Variants in ZNF106 observed in about 807,000 individuals in gnomAD.
The protein encoded by ZNF106 is SH3-domain binding protein 3.
A neutral mutation model predicts 195.1 loss-of-function variants in ZNF106; 67 were observed. The observed-to-expected ratio is 0.34, with a 90% CI of 0.28 to 0.42. ZNF106 has a LOEUF of 0.42. Among genes scored for constraint, ZNF106 ranks in the 10% least tolerant of loss-of-function variants. The pLI, the probability that ZNF106 is intolerant of heterozygous loss-of-function variation, is 1.00. For synonymous variants in ZNF106, 784 were observed against 818.6 expected, an observed-to-expected ratio of 0.96 and a Z score of 0.72; for missense variants, 2,118 against 2,304.5, an observed-to-expected ratio of 0.92 and a Z score of 1.66.
At chr15:42,472,376 T>A (rs1203965054) in intron 1 of ZNF106, 55 bp from the exon 2 acceptor site, 4 of 1,348,430 alleles carry the variant, frequency 3.0e-6, no homozygotes, top group Non-Finnish European at 3.0e-6. Context: ...CTTCTTACAT[T>A]CATCTTCACA....
chr15:42,435,240 C>T, intron 14 of ZNF106, 144 bp downstream of exon 14: 2 of 1,139,144 alleles, frequency 1.8e-6, no homozygotes, highest in South Asian at 3.0e-5. Flanking sequence ...CTACCTAGGG[C>T]TACAACAATG....
chr15:42,456,233 C>T (rs1276363199), intron 4 of ZNF106, among the ~76,000 whole-genome samples: 1 of 152,138 alleles, frequency 6.6e-6, no homozygotes, highest in East Asian at 1.9e-4. Context: ...CTATAGACTA[C>T]ACTGTTATTT....
At position 42,439,481 on chromosome 15, in the gene ZNF106, A is replaced by C; in HGVS notation, c.4096T>G (p.Ser1366Ala). The C allele has an allele frequency of 6.2e-7, 1 of 1,614,058 alleles. No individual in the cohort carries two copies. Among genetic ancestry groups the C allele is most frequent in the Non-Finnish European group, 8.5e-7 (1 of 1,180,010 alleles). Residue 1366 changes from serine to alanine, a missense_variant, in exon 11 of 22, where the codon TCA becomes GCA. By Grantham distance (99) the Ser-to-Ala change is moderately conservative. Coordinates refer to ENST00000564754, the MANE Select transcript of ZNF106 (RefSeq NM_001366845.3). Reference sequence around the variant, plus strand: ...TTCTTGCTTCCCCTAGTCTCAGCTGATGTCAAAGTGGATTCTGCCTGTTGT... The same window carrying C: ...TTCTTGCTTCCCCTAGTCTCAGCTGCTGTCAAAGTGGATTCTGCCTGTTGT... ...PEQQAESTLT[S>A]AETRGSKKKK...
chr15:42,468,789 G>A (rs1284878186), intron 2 of ZNF106, among the ~76,000 whole-genome samples: 2 of 152,000 alleles, frequency 1.3e-5, no homozygotes, highest in Admixed American at 1.3e-4. Flanking sequence ...CTTTACACAT[G>A]ACCTCTTCTA....
At position 42,478,209 on chromosome 15, in the gene ZNF106, G is replaced by T. The variant is rs369404797; in HGVS notation, c.-32-5888C>A. On this transcript the variant is annotated intron_variant, in intron 1 of 21. Transcript: ENST00000564754. Reference sequence around the variant, plus strand: ...GACAGAGTCTCACTCTGTTGTCCAGGCTGGAATGCAATGGCACAATCTTGG... The same window carrying T: ...GACAGAGTCTCACTCTGTTGTCCAGTCTGGAATGCAATGGCACAATCTTGG... Among the ~76,000 whole-genome samples the T allele has an allele frequency of 8.5e-5, 13 of 152,216 alleles. No homozygotes were observed. The East Asian group carries it at 2.3e-3, about 27-fold the overall frequency.
rs2054766211 is a variant in ZNF106, at chr15:42,424,064, A to G, written c.5191-4T>C. The G allele has an allele frequency of 1.2e-6, 2 of 1,611,662 alleles. No homozygotes were observed. Among genetic ancestry groups the G allele is most frequent in the African/African-American group, 1.3e-5 (1 of 74,784 alleles). On this transcript the variant is annotated splice_polypyrimidine_tract_variant and splice_region_variant and intron_variant, in intron 16 of 21. Transcript: ENST00000564754. The stretch of plus-strand genomic sequence containing the variant: ...TGAACACGAGATCATTCACCACCTT[A>G]AAGAAAAAATTAAACAAGTCAGATT...
intron 14 of ZNF106, among the ~76,000 whole-genome samples, chr15:42,432,355 CATT>C (rs1286011094): frequency 4.0e-5 from 6 of 151,688 alleles, no homozygotes; most frequent in African/African-American, 1.5e-4. Flanking sequence ...GACGGGATCT[CATT>C]ATGTTACCGA....
intron 10 of ZNF106, among the ~76,000 whole-genome samples, chr15:42,440,612 T>C (rs528366261): frequency 2.7e-4 from 41 of 152,142 alleles, no homozygotes; most frequent in Admixed American, 7.9e-4. Flanking sequence ...CGAAAAATAA[T>C]AGTACCAAAA....
At chr15:42,427,916 C>A (rs750112104) in intron 15 of ZNF106, 102 bp downstream of exon 15, 12 of 940,788 alleles carry the variant, frequency 1.3e-5, no homozygotes, top group Non-Finnish European at 2.0e-5. Flanking sequence ...TGCTTCCTCA[C>A]AGAAGAAAAT....
chr15:42,478,895 C>T (rs1030532271), intron 1 of ZNF106, among the ~76,000 whole-genome samples: 1 of 152,168 alleles, frequency 6.6e-6, no homozygotes. Flanking sequence ...GTCATCATTT[C>T]TCCTTTGGCT....
chr15:42,441,173 TAAAAAAA>T (rs752991984), intron 10 of ZNF106, among the ~76,000 whole-genome samples: 1 of 114,772 alleles, frequency 8.7e-6, no homozygotes, highest in Non-Finnish European at 1.8e-5. Context: ...CATCTCTACT[TAAAAAAA>T]AAAAAAAAAA....
rs1466819553 is a variant in ZNF106, at chr15:42,451,319, C to T, written c.953G>A (p.Arg318Lys). The change falls in exon 5 of 22, where the codon AGA (arginine) becomes AAA (lysine). Residue 318 changes from arginine (R) to lysine (K), a missense_variant. By Grantham distance (26) the Arg-to-Lys change is conservative. Coordinates refer to ENST00000564754, the MANE Select transcript of ZNF106 (RefSeq NM_001366845.3). ...NDKLGTVATYRGPSEGFTSDK... is the reference protein window; with the variant it reads ...NDKLGTVATYKGPSEGFTSDK... ...ACTTGTAAATCCTTCAGAAGGACCT[C>T]TATATGTGGCAACTGTACCAAGTTT... 4.3e-6 allele frequency: 7 copies of T among 1,613,930 alleles called. No individual in the cohort carries two copies. Among genetic ancestry groups the T allele is most frequent in the Non-Finnish European group, 4.2e-6 (5 of 1,179,936 alleles).
chr15:42,436,521 ACT>A (rs1173893241), intron 13 of ZNF106, among the ~76,000 whole-genome samples: 1 of 151,992 alleles, frequency 6.6e-6, no homozygotes, highest in African/African-American at 2.4e-5. Context: ...ATTTTCACTG[ACT>A]CTAGCAATTT....
intron 1 of ZNF106, among the ~76,000 whole-genome samples, chr15:42,486,729 A>C (rs2057023297): frequency 6.6e-6 from 1 of 152,174 alleles, no homozygotes; most frequent in African/African-American, 2.4e-5. Context: ...TTTTGTTATT[A>C]TGCTGTTTTG....
chr15:42,470,018 G>C (rs984086929), intron 2 of ZNF106, among the ~76,000 whole-genome samples: 1 of 152,056 alleles, frequency 6.6e-6, no homozygotes, highest in Non-Finnish European at 1.5e-5. Context: ...GGGTTGGTTG[G>C]AGGGGAGGGG....
At chr15:42,440,784 ACCAGCTTGG>A (rs942965820) in intron 10 of ZNF106, among the ~76,000 whole-genome samples, 10 of 151,150 alleles carry the variant, frequency 6.6e-5, no homozygotes, top group African/African-American at 2.4e-4. Flanking sequence ...GGAGTTCAAG[ACCAGCTTGG>A]CCAACATGGT....
intron 3 of ZNF106, among the ~76,000 whole-genome samples, chr15:42,460,925 T>C (rs1324188342): frequency 6.6e-6 from 1 of 152,030 alleles, no homozygotes; most frequent in East Asian, 1.9e-4. Flanking sequence ...ACATTTTTCT[T>C]ATAAATAAAA....
intron 2 of ZNF106, among the ~76,000 whole-genome samples, chr15:42,470,614 G>A (rs1340753992): frequency 6.6e-6 from 1 of 152,052 alleles, no homozygotes; most frequent in Non-Finnish European, 1.5e-5. Context: ...TCATGGAAAA[G>A]TATGAAGAGA....
intron 9 of ZNF106, among the ~76,000 whole-genome samples, chr15:42,443,223 T>C (rs2055623216): frequency 6.6e-6 from 1 of 152,164 alleles, no homozygotes; most frequent in Non-Finnish European, 1.5e-5. Context: ...AGGCTACTAA[T>C]GGAAGGGAGA....
Sources: allele counts gnomAD v4.1 joint callset (sites outside exome capture counted in the v4.1 genomes callset), GRCh38; gene constraint gnomAD v4.1.1; transcripts MANE v1.5; gene names NCBI Gene and HGNC (gene_info 2026-07-23, HGNC 2026-07-21).